HCN1: variants seen among roughly 807,000 people sequenced by gnomAD.
The protein encoded by HCN1 is potassium/sodium hyperpolarization-activated cyclic nucleotide-gated channel 1.
In HCN1, 13 loss-of-function variants were observed where a neutral mutation model predicts 78.9. The observed-to-expected ratio is 0.16, with a 90% CI of 0.11 to 0.26. HCN1 has a LOEUF of 0.26. Ranked by LOEUF, HCN1 falls within the 10% of genes least tolerant of loss-of-function variation. HCN1 has a pLI of 1.00. For missense variants in HCN1, 810 were observed against 1,154.3 expected, an observed-to-expected ratio of 0.70 and a Z score of 4.32; for synonymous variants, 552 against 455.5, an observed-to-expected ratio of 1.21 and a Z score of -2.70.
chr5:45,284,288 A>G (rs903276903), intron 6 of HCN1, among the ~76,000 whole-genome samples: 1 of 152,110 alleles, frequency 6.6e-6, no homozygotes, highest in Middle Eastern at 3.2e-3. Context: ...AATGAAAATA[A>G]AAGTTAAAAA....
At chr5:45,647,884 C>T (rs1056870596) in intron 1 of HCN1, among the ~76,000 whole-genome samples, 1 of 152,194 alleles carries the variant, frequency 6.6e-6, no homozygotes, top group Non-Finnish European at 1.5e-5. Flanking sequence ...GTTCTCACAC[C>T]TAAATGTATG....
At chr5:45,287,877 T>A (rs1481142389) in intron 6 of HCN1, among the ~76,000 whole-genome samples, 1 of 152,104 alleles carries the variant, frequency 6.6e-6, no homozygotes, top group Non-Finnish European at 1.5e-5. Context: ...TACTGCTTTA[T>A]ACTACACTGG....
At chr5:45,407,647 G>C (rs1442133707) in intron 3 of HCN1, among the ~76,000 whole-genome samples, 1 of 151,844 alleles carries the variant, frequency 6.6e-6, no homozygotes, top group Non-Finnish European at 1.5e-5. Context: ...AGCCTCCCAA[G>C]TAGCTGGGAT....
chr5:45,637,493 C>T (rs1471467374), intron 2 of HCN1, among the ~76,000 whole-genome samples: 4 of 151,362 alleles, frequency 2.6e-5, no homozygotes, highest in African/African-American at 9.7e-5. Context: ...CTTTTGGAAT[C>T]TAATATGTAA....
At chr5:45,362,319 T>C (rs1561124041) in intron 4 of HCN1, among the ~76,000 whole-genome samples, 1 of 152,056 alleles carries the variant, frequency 6.6e-6, no homozygotes, top group Non-Finnish European at 1.5e-5. Flanking sequence ...TTTTATGCTG[T>C]CTCAACTTTC....
chr5:45,478,811 A>G (rs1018569945), intron 2 of HCN1, among the ~76,000 whole-genome samples: 11 of 152,102 alleles, frequency 7.2e-5, no homozygotes, highest in African/African-American at 2.2e-4. Flanking sequence ...AATGAGGAAT[A>G]AGTAAAAGTA....
intron 5 of HCN1, among the ~76,000 whole-genome samples, chr5:45,348,523 C>T (rs932516101): frequency 2.0e-4 from 30 of 152,142 alleles, no homozygotes; most frequent in Non-Finnish European, 3.7e-4. Context: ...ACGATATTAA[C>T]TTTAAATGTA....
At chr5:45,302,338 C>T (rs1745643586) in intron 6 of HCN1, among the ~76,000 whole-genome samples, 1 of 152,008 alleles carries the variant, frequency 6.6e-6, no homozygotes, top group African/African-American at 2.4e-5. Flanking sequence ...CTCTCCTTCA[C>T]CTTCTGCTGT....
At chr5:45,326,643 T>TA (rs1363172731) in intron 5 of HCN1, among the ~76,000 whole-genome samples, 1 of 151,628 alleles carries the variant, frequency 6.6e-6, no homozygotes, top group Non-Finnish European at 1.5e-5. Context: ...TAGCCTAAAA[T>TA]AAAAAATTAT....
chr5:45,364,382 A>G (rs1747190536), intron 4 of HCN1, among the ~76,000 whole-genome samples: 1 of 152,046 alleles, frequency 6.6e-6, no homozygotes, highest in Non-Finnish European at 1.5e-5. Flanking sequence ...AACATGTTTC[A>G]TGGGCACATC....
At chr5:45,277,179 G>T (rs1745079324) in intron 6 of HCN1, among the ~76,000 whole-genome samples, 1 of 152,068 alleles carries the variant, frequency 6.6e-6, no homozygotes, top group Non-Finnish European at 1.5e-5. Flanking sequence ...CCATTTATGG[G>T]AAAGATAGTT....
chr5:45,317,638 TG>T (rs1746023214), intron 5 of HCN1, among the ~76,000 whole-genome samples: 1 of 151,962 alleles, frequency 6.6e-6, no homozygotes, highest in Non-Finnish European at 1.5e-5. Flanking sequence ...ACCTACAGAA[TG>T]GGAGAAAATT....
rs1354976296 is a variant in HCN1, at chr5:45,303,824, T to C, written c.1393A>G (p.Asn465Asp). The change falls in exon 6 of 8, where the codon AAC (asparagine) becomes GAC (aspartate). Residue 465 changes from asparagine to aspartate, a missense_variant. By Grantham distance (23) the Asn-to-Asp change is conservative. Around this residue, in one of 6 missense-constraint regions of HCN1, gnomAD observed 100 missense variants for 126.8 expected, o/e 0.79. Transcript: ENST00000303230. Reference sequence around the variant, plus strand: ...ATTGTAGCCACCAGTTTCCGACAGTTGAAGTTGACTATCTCCTAAAGATGT... The same window carrying C: ...ATTGTAGCCACCAGTTTCCGACAGTCGAAGTTGACTATCTCCTAAAGATGT... ...DPLREEIVNFNCRKLVATMPL... is the reference protein window; with the variant it reads ...DPLREEIVNFDCRKLVATMPL... 1.2e-6 allele frequency: 2 copies of C among 1,613,230 alleles called. No individual in the cohort carries two copies. Among genetic ancestry groups the C allele is most frequent in the Admixed American group, 1.7e-5 (1 of 59,910 alleles).
chr5:45,523,075 T>C (rs1422866619), intron 2 of HCN1, among the ~76,000 whole-genome samples: 1 of 151,856 alleles, frequency 6.6e-6, no homozygotes. Context: ...GTTCTCATTG[T>C]TCAATTCCCA....
At chr5:45,545,127 T>TA (rs1743184876) in intron 2 of HCN1, among the ~76,000 whole-genome samples, 2 of 152,158 alleles carry the variant, frequency 1.3e-5, no homozygotes, top group African/African-American at 4.8e-5. Context: ...CCTGACTTTT[T>TA]AATGATCGCC....
intron 3 of HCN1, among the ~76,000 whole-genome samples, chr5:45,459,936 A>G (rs1185644604): frequency 1.3e-5 from 2 of 152,152 alleles, no homozygotes; most frequent in East Asian, 3.9e-4. Context: ...AAAGATAAGT[A>G]AAGTGACAGA....
chr5:45,361,780 A>G (rs1747115753), intron 4 of HCN1, among the ~76,000 whole-genome samples: 1 of 152,134 alleles, frequency 6.6e-6, no homozygotes, highest in African/African-American at 2.4e-5. Flanking sequence ...TTTATCAATT[A>G]TTATTATTAT....
chr5:45,305,796 G>C (rs1745722039), intron 5 of HCN1, among the ~76,000 whole-genome samples: 1 of 140,186 alleles, frequency 7.1e-6, no homozygotes, highest in African/African-American at 2.7e-5. Flanking sequence ...GAAGGAAGGA[G>C]GGAAAGAAGG....
chr5:45,282,883 TAAATA>T (rs1745195344), intron 6 of HCN1, among the ~76,000 whole-genome samples: 2 of 152,346 alleles, frequency 1.3e-5, no homozygotes, highest in East Asian at 1.9e-4. Context: ...TTTATTGATT[TAAATA>T]AAATATTAGT....
Sources: allele counts gnomAD v4.1 joint callset (sites outside exome capture counted in the v4.1 genomes callset), GRCh38; gene constraint gnomAD v4.1.1; regional missense constraint gnomAD v4.1.1; transcripts MANE v1.5; gene names NCBI Gene and HGNC (gene_info 2026-07-23, HGNC 2026-07-21).